The following SLC12A2 variants were observed in gnomAD, a reference collection of about 807,000 sequenced individuals.
SLC12A2 encodes the protein Na-K-2Cl cotransporter 1.
A neutral mutation model predicts 136.3 loss-of-function variants in SLC12A2; 67 were observed. That is an observed-to-expected ratio of 0.49 (90% confidence interval 0.40 to 0.60). SLC12A2 has a LOEUF of 0.60. Ranked by LOEUF, SLC12A2 falls within the 20% of genes least tolerant of loss-of-function variation. The probability of loss-of-function intolerance (pLI) is 0.00; values close to 1 mark genes in which losing one functional copy is unlikely to be tolerated. For missense variants in SLC12A2, 1,322 were observed against 1,534.7 expected (o/e 0.86, Z 2.32); for synonymous variants, 619 against 562.9 (o/e 1.10, Z -1.41).
chr5:128,176,947 C>G (rs1763559603), intron 20 of SLC12A2, among the ~76,000 whole-genome samples, 158 bp from the exon 21 acceptor site: 1 of 152,042 alleles, frequency 6.6e-6, no homozygotes, highest in Non-Finnish European at 1.5e-5. Flanking sequence ...AGCTTCAACA[C>G]TCAGTGCAGA....
chr5:128,120,335 T>TAC (rs1761509918), intron 4 of SLC12A2, among the ~76,000 whole-genome samples: 4 of 128,830 alleles, frequency 3.1e-5, no homozygotes, highest in Admixed American at 8.5e-5. Flanking sequence ...GAAATACCAT[T>TAC]TGACCCAGCC....
chr5:128,100,722 T>C (rs1760713229), intron 1 of SLC12A2, among the ~76,000 whole-genome samples: 1 of 152,182 alleles, frequency 6.6e-6, no homozygotes, highest in South Asian at 2.1e-4. Flanking sequence ...CATATACTTC[T>C]CTATCTTCTT....
Position 128,184,452 on chromosome 5 carries a change from A to G in SLC12A2, c.3386A>G (p.Asp1129Gly). 1 of 1,609,674 alleles carries G rather than the reference A, an allele frequency of 6.2e-7. No homozygotes were observed. The highest frequency in any genetic ancestry group is 8.5e-7 in the Non-Finnish European group (1 of 1,177,564). ...GATATTGCAGATAAAATGAAAGAAG[A>G]TGAACCATGGCGAATAACAGATAAT... Reference protein sequence around the residue: ...EQDIADKMKEDEPWRITDNEL... With the variant: ...EQDIADKMKEGEPWRITDNEL... The change falls in exon 25 of 27, where the codon GAT (aspartate) becomes GGT (glycine). Residue 1129 changes from aspartate to glycine, a missense_variant. Physicochemically the swap from Asp to Gly is moderately conservative, Grantham distance 94 (BLOSUM62 -1). Coordinates refer to ENST00000262461, the MANE Select transcript of SLC12A2 (RefSeq NM_001046.3).
chr5:128,140,605 A>G (rs1284189000), intron 9 of SLC12A2, among the ~76,000 whole-genome samples: 1 of 152,114 alleles, frequency 6.6e-6, no homozygotes, highest in Non-Finnish European at 1.5e-5. Context: ...CCCTTGGAGC[A>G]ATAGGGGTAA....
rs1042185030 is a variant in SLC12A2, at chr5:128,109,632, A to G, written c.757-3182A>G. 2.8e-5 allele frequency: 22 copies of G among 783,328 alleles called. 1 individual carries two copies. The highest frequency in any genetic ancestry group is 2.3e-4 in the South Asian group (17 of 73,288). The allele number at this position is 783,328 out of a possible 1,614,324, so 48.5% of individuals were successfully genotyped here. A position where few individuals can be genotyped will look rare whatever the true frequency, so the allele number is the denominator to read the frequency against. Reference sequence around the variant, plus strand: ...ATCGTCCTTCCTACCCAGTATTTCTATATTCAGACAGTGGATACATCAGGG... The same window carrying G: ...ATCGTCCTTCCTACCCAGTATTTCTGTATTCAGACAGTGGATACATCAGGG... On this transcript the variant is annotated intron_variant, in intron 1 of 26. Transcript: ENST00000262461.
chr5:128,126,761 G>T (rs898213831), intron 4 of SLC12A2, among the ~76,000 whole-genome samples: 8 of 151,638 alleles, frequency 5.3e-5, no homozygotes, highest in African/African-American at 1.9e-4. Context: ...TAGTCTTAGA[G>T]GGAATGAGTT....
chr5:128,156,313 C>T (rs569527829), intron 15 of SLC12A2, among the ~76,000 whole-genome samples: 6 of 152,018 alleles, frequency 3.9e-5, no homozygotes, highest in African/African-American at 7.3e-5. Flanking sequence ...TTCTAGCTTT[C>T]AGTATTCCAG....
In SLC12A2 at chr5:128,186,476, T is replaced by TTTTCTC; in HGVS notation, c.3504-16_3504-11dup. ...ATTGCTCAGGGTTTTTTTTTTTTCTTTTTCTCTTTTTGATACCAGGAGTCT... is the reference window on the plus strand; with the variant it reads ...ATTGCTCAGGGTTTTTTTTTTTTCTTTTTCTCTTTCTCTTTTTGATACCAGGAGTCT... On this transcript the variant is annotated intron_variant, in intron 26 of 26. Transcript: ENST00000262461. 6.4e-7 allele frequency: 1 copy of TTTTCTC among 1,571,896 alleles called. No homozygotes were observed. The highest frequency in any genetic ancestry group is 8.6e-7 in the Non-Finnish European group (1 of 1,167,382).
At chr5:128,171,956 G>A (rs1763388783) in intron 19 of SLC12A2, 2 of 391,388 alleles carry the variant, frequency 5.1e-6, no homozygotes, top group Non-Finnish European at 4.5e-6. Context: ...GTGATTATTT[G>A]GATTGAATAA....
chr5:128,152,492 T>G (rs1340329303), intron 14 of SLC12A2, among the ~76,000 whole-genome samples: 1 of 152,218 alleles, frequency 6.6e-6, no homozygotes, highest in African/African-American at 2.4e-5. Flanking sequence ...CATCTCAATC[T>G]TTTCTAAGTA....
chr5:128,117,634 T>C (rs889200522), intron 4 of SLC12A2, among the ~76,000 whole-genome samples: 8 of 152,134 alleles, frequency 5.3e-5, no homozygotes, highest in African/African-American at 1.7e-4. Context: ...GGAGATAACA[T>C]TGGAAAAACT....
chr5:128,092,922 G>A (rs1426117766), intron 1 of SLC12A2, among the ~76,000 whole-genome samples: 2 of 152,116 alleles, frequency 1.3e-5, no homozygotes, highest in African/African-American at 4.8e-5. Flanking sequence ...CAGAAAAAGC[G>A]GAATATTTTA....
intron 26 of SLC12A2, among the ~76,000 whole-genome samples, chr5:128,185,187 A>G (rs939476437): frequency 6.6e-6 from 1 of 152,206 alleles, no homozygotes; most frequent in African/African-American, 2.4e-5. Context: ...GGAGGGTCCT[A>G]CGTTAAAATT....
At chr5:128,174,797 A>G in intron 20 of SLC12A2, 131 bp downstream of exon 20, 3 of 692,296 alleles carry the variant, frequency 4.3e-6, no homozygotes, top group Non-Finnish European at 6.5e-6. Flanking sequence ...CTAGCTGGTC[A>G]GGTAAAATTT....
Position 128,138,709 on chromosome 5 carries a change from C to T in SLC12A2, c.1521C>T (p.Ile507=). ...CTGGTATTCTGGCTGGAGCAAATAT[C>T]TCAGGTGATCTTGCAGTAAGTATTA... The part of the protein sequence containing the change: ...AATGILAGAN[I]SGDLADPQSA... The change falls in exon 8 of 27, where the codon ATC becomes ATT. Residue 507 remains isoleucine, a synonymous_variant. Coordinates refer to ENST00000262461, the MANE Select transcript of SLC12A2 (RefSeq NM_001046.3). 6.2e-7 allele frequency: 1 copy of T among 1,613,286 alleles called. No homozygotes were observed. Among genetic ancestry groups the T allele is most frequent in the Non-Finnish European group, 8.5e-7 (1 of 1,179,628 alleles).
intron 1 of SLC12A2, among the ~76,000 whole-genome samples, chr5:128,094,000 A>C (rs1406375527): frequency 6.6e-6 from 1 of 151,566 alleles, no homozygotes; most frequent in Admixed American, 6.6e-5. Flanking sequence ...TCTCCCTTCC[A>C]CCATTCCATA....
Position 128,112,737 on chromosome 5 carries a change from T to TTTAG in SLC12A2, c.757-73_757-70dup, listed in dbSNP as rs1367280746. 5 of 1,115,648 alleles carry TTTAG rather than the reference T, an allele frequency of 4.5e-6. No homozygotes were observed. The African/African-American group carries it at 7.9e-5, about 18-fold the overall frequency. 69.1% of individuals were successfully genotyped at this position (1,115,648 alleles called of 1,614,324 possible). ...GCCCTCTTAAATATGGTTAGATGTA[T>TTTAG]TTAGTTATGTTTGTTTTTATCAAGT... is the stretch of plus-strand genomic sequence containing the variant. On this transcript the variant is annotated intron_variant, in intron 1 of 26. Coordinates refer to ENST00000262461, the MANE Select transcript of SLC12A2 (RefSeq NM_001046.3).
intron 7 of SLC12A2, among the ~76,000 whole-genome samples, 179 bp downstream of exon 7, chr5:128,135,987 T>C (rs1762179738): frequency 6.6e-6 from 1 of 152,178 alleles, no homozygotes; most frequent in Admixed American, 6.5e-5. Context: ...AAATTACTTC[T>C]ATTTACATCT....
intron 10 of SLC12A2, among the ~76,000 whole-genome samples, chr5:128,142,509 A>G (rs150051266): frequency 1.5e-3 from 233 of 152,232 alleles, no homozygotes; most frequent in Admixed American, 2.9e-3. Context: ...CTAGGAGGTA[A>G]TGCTTTTATA....
Sources: gnomAD v4.1 joint callset for allele counts (sites outside exome capture counted in the v4.1 genomes callset) on GRCh38, gnomAD v4.1.1 for gene constraint, MANE v1.5 for transcripts, NCBI Gene and HGNC (gene_info 2026-07-23, HGNC 2026-07-21) for gene names.